Variants in TRDN observed in about 807,000 individuals in gnomAD.
TRDN encodes the protein triadin in skeletal muscle.
A neutral mutation model predicts 149.7 loss-of-function variants in TRDN; 161 were observed. That is an observed-to-expected ratio of 1.08 (90% CI 0.95 to 1.23). TRDN has a LOEUF of 1.23. Ranked by LOEUF, TRDN falls within the 50% of genes most tolerant of loss-of-function variation. TRDN has a pLI of 0.00. For missense variants in TRDN, 896 were observed against 823.5 expected (o/e 1.09, Z -1.08); for synonymous variants, 294 against 250.5 (o/e 1.17, Z -1.64).
At chr6:123,497,654 G>A (rs914939167) in intron 8 of TRDN, among the ~76,000 whole-genome samples, 1 of 152,122 alleles carries the variant, frequency 6.6e-6, no homozygotes, top group Admixed American at 6.6e-5. Context: ...AACTTGGAGT[G>A]TTTTATCAAA....
chr6:123,486,596 A>G (rs1777982549), intron 9 of TRDN, among the ~76,000 whole-genome samples: 1 of 152,016 alleles, frequency 6.6e-6, no homozygotes, highest in Non-Finnish European at 1.5e-5. Context: ...CATATTTAAT[A>G]GGGCCAATTA....
chr6:123,336,825 CTT>C (rs979334068), intron 22 of TRDN, among the ~76,000 whole-genome samples: 12 of 150,730 alleles, frequency 8.0e-5, no homozygotes, highest in Admixed American at 2.0e-4. Context: ...ATTACACACA[CTT>C]ATATAATAAA....
intron 1 of TRDN, among the ~76,000 whole-genome samples, chr6:123,583,588 A>G (rs1029167836): frequency 6.7e-6 from 1 of 148,388 alleles, no homozygotes; most frequent in Non-Finnish European, 1.5e-5. Flanking sequence ...AGCCTGAAAA[A>G]CTGCTTGGCT....
At chr6:123,257,298 C>A (rs1183518300) in intron 35 of TRDN, among the ~76,000 whole-genome samples, 1 of 152,016 alleles carries the variant, frequency 6.6e-6, no homozygotes, top group Non-Finnish European at 1.5e-5. Flanking sequence ...TTTAATCCAT[C>A]TTGAGTTAAT....
chr6:123,579,331 T>C (rs1341643838), intron 1 of TRDN, among the ~76,000 whole-genome samples: 2 of 152,188 alleles, frequency 1.3e-5, no homozygotes, highest in Admixed American at 6.6e-5. Context: ...ACCTAGTTTA[T>C]TGAGAATTTT....
intron 1 of TRDN, among the ~76,000 whole-genome samples, chr6:123,602,085 T>C (rs1413821193): frequency 6.6e-6 from 1 of 152,122 alleles, no homozygotes; most frequent in Non-Finnish European, 1.5e-5. Flanking sequence ...ACTGGCAATA[T>C]AGTCCCTGCT....
chr6:123,503,437 AC>A, intron 8 of TRDN: 1 of 985,304 alleles, frequency 1.0e-6, no homozygotes, highest in Non-Finnish European at 1.2e-6. Context: ...CAAAAATTCA[AC>A]ATTTATCCCC....
At chr6:123,466,885 C>T (rs888299374) in intron 9 of TRDN, among the ~76,000 whole-genome samples, 3 of 151,702 alleles carry the variant, frequency 2.0e-5, no homozygotes, top group Non-Finnish European at 2.9e-5. Context: ...TCATATACCT[C>T]GGTGAATAGT....
chr6:123,286,751 G>T (rs559436031), intron 24 of TRDN, among the ~76,000 whole-genome samples: 7 of 152,174 alleles, frequency 4.6e-5, no homozygotes, highest in African/African-American at 1.7e-4. Context: ...GCATGTGGGG[G>T]AGTGTTGTGT....
intron 10 of TRDN, among the ~76,000 whole-genome samples, chr6:123,444,198 A>G (rs1775137475): frequency 7.0e-6 from 1 of 142,516 alleles, no homozygotes; most frequent in Non-Finnish European, 1.5e-5. Context: ...TATTTCATTG[A>G]GCAGTGGTTT....
At chr6:123,628,161 A>G (rs921283681) in intron 1 of TRDN, among the ~76,000 whole-genome samples, 1 of 152,188 alleles carries the variant, frequency 6.6e-6, no homozygotes, top group African/African-American at 2.4e-5. Context: ...CTTTCAGCCT[A>G]TCTTGGCTTT....
chr6:123,425,232 G>GGTGTGT (rs60065532), intron 12 of TRDN, among the ~76,000 whole-genome samples: 134 of 138,828 alleles, frequency 9.7e-4, no homozygotes, highest in East Asian at 2.6e-3. Context: ...CAGAGGTAGA[G>GGTGTGT]GTGTGTGTGT....
chr6:123,473,748 G>C lies in TRDN; in HGVS notation c.854-8765C>G, dbSNP rs374455284. On this transcript the variant is annotated intron_variant, in intron 9 of 40. Coordinates refer to ENST00000334268, the MANE Select transcript of TRDN (RefSeq NM_006073.4). ...CCATCAGACTAACAGCGGATCTCTC[G>C]GCAGAAACCCTACAAGCCAGAAGAG... is the stretch of plus-strand genomic sequence containing the variant. Among the ~76,000 whole-genome samples the C allele has an allele frequency of 5.2e-4, 79 of 151,778 alleles. 3 individuals carry two copies. In the South Asian group the frequency reaches 0.016, roughly 31 times the overall value.
At chr6:123,255,778 T>C (rs1326714755) in intron 36 of TRDN, 89 bp downstream of exon 36, 3 of 911,440 alleles carry the variant, frequency 3.3e-6, no homozygotes, top group Non-Finnish European at 4.6e-6. Flanking sequence ...TTAGAAAAGT[T>C]TTTTTTCATA....
intron 2 of TRDN, among the ~76,000 whole-genome samples, chr6:123,558,633 C>T (rs1781808346): frequency 6.6e-6 from 1 of 152,168 alleles, no homozygotes; most frequent in Non-Finnish European, 1.5e-5. Flanking sequence ...ATCTTATTCT[C>T]AATATACATT....
intron 14 of TRDN, among the ~76,000 whole-genome samples, chr6:123,385,531 A>G (rs1781879688): frequency 6.6e-6 from 1 of 152,246 alleles, no homozygotes; most frequent in Admixed American, 6.5e-5. Context: ...GAAGTATCCT[A>G]TCTCCTTTGT....
chr6:123,450,310 A>G (rs11154163), intron 10 of TRDN, among the ~76,000 whole-genome samples: 19,724 of 152,152 alleles, frequency 0.13, 1,459 homozygotes, highest in African/African-American at 0.21. Flanking sequence ...CTAAGAAATC[A>G]CCAACCAACT....
chr6:123,472,412 A>G lies in TRDN; in HGVS notation c.854-7429T>C, dbSNP rs1025879563. The stretch of plus-strand genomic sequence containing the variant: ...GGCGCACCACAAGATTATATCCCAC[A>G]CCTGGCTCGGAGGGTCCTACGCCCA... On this transcript the variant is annotated intron_variant, in intron 9 of 40. Coordinates refer to ENST00000334268, the MANE Select transcript of TRDN (RefSeq NM_006073.4). Among the ~76,000 whole-genome samples the G allele has an allele frequency of 2.0e-5, 3 of 152,258 alleles. No individual in the cohort carries two copies. The East Asian group carries it at 5.8e-4, about 30-fold the overall frequency.
At chr6:123,337,596 T>G (rs1315914507) in intron 22 of TRDN, 23 bp downstream of exon 22, 4 of 1,148,322 alleles carry the variant, frequency 3.5e-6, no homozygotes, top group African/African-American at 3.2e-5. Context: ...ATTTGTAATA[T>G]TATATTAAAT....
Sources: gnomAD v4.1 joint callset for allele counts (sites outside exome capture counted in the v4.1 genomes callset) on GRCh38, gnomAD v4.1.1 for gene constraint, MANE v1.5 for transcripts, NCBI Gene and HGNC (gene_info 2026-07-23, HGNC 2026-07-21) for gene names.